Variants in ZNF469 observed in about 807,000 individuals in gnomAD.
ZNF469 encodes zinc finger protein 469.
In ZNF469, 1 loss-of-function variant was observed where a neutral mutation model predicts 1.0. That is an observed-to-expected ratio of 1.00 (90% CI 0.35 to 4.73). ZNF469 has a LOEUF of 4.73. ZNF469 is among the 30% of genes most tolerant of loss of function. The probability of loss-of-function intolerance (pLI) is 0.16; values close to 1 mark genes in which losing one functional copy is unlikely to be tolerated. For synonymous variants in ZNF469, 2,703 were observed against 2,363.4 expected, an observed-to-expected ratio of 1.14 and a Z score of -4.17; for missense variants, 6,100 against 5,356.3, an observed-to-expected ratio of 1.14 and a Z score of -4.33.
At chr16:88,413,195 C>T (rs2142284798) in intron 1 of ZNF469, among the ~76,000 whole-genome samples, 2 of 152,378 alleles carry the variant, frequency 1.3e-5, no homozygotes, top group East Asian at 1.9e-4. Flanking sequence ...ATGGGACAAA[C>T]AGCTGCCATC....
At chr16:88,243,949 T>TATAAATATAA in the ZNF469 span, among the ~76,000 whole-genome samples, 3 of 94,242 alleles carry the variant, frequency 3.2e-5, no homozygotes, top group Non-Finnish European at 6.9e-5. Flanking sequence ...TATATATATA[T>TATAAATATAA]ATAAATGTAT....
the ZNF469 span, among the ~76,000 whole-genome samples, chr16:88,360,845 C>A: frequency 6.6e-6 from 1 of 152,192 alleles, no homozygotes; most frequent in Non-Finnish European, 1.5e-5. Context: ...CCGACACCCC[C>A]TGTTACAGTG....
chr16:88,231,689 ACCT>A, the ZNF469 span, among the ~76,000 whole-genome samples: 2 of 150,712 alleles, frequency 1.3e-5, no homozygotes, highest in Non-Finnish European at 3.0e-5. The surrounding 1 kb of genome is among the most constrained non-coding windows in gnomAD (Gnocchi z 4.5). Flanking sequence ...TCCTTCTCAC[ACCT>A]CCTCCTCCTG....
At chr16:88,285,703 G>T in the ZNF469 span, among the ~76,000 whole-genome samples, 1 of 152,380 alleles carries the variant, frequency 6.6e-6, no homozygotes, top group East Asian at 1.9e-4. Flanking sequence ...CCGGTGGAGA[G>T]CAAGCCAGCT....
the ZNF469 span, among the ~76,000 whole-genome samples, chr16:88,251,536 G>GTGTGTTTT: frequency 1.3e-5 from 1 of 78,788 alleles, no homozygotes; most frequent in Non-Finnish European, 2.3e-5. Flanking sequence ...TGTCCCTGCT[G>GTGTGTTTT]TCTTTTTTTT....
the ZNF469 span, among the ~76,000 whole-genome samples, chr16:88,280,427 A>G: frequency 6.6e-6 from 1 of 151,974 alleles, no homozygotes; most frequent in Non-Finnish European, 1.5e-5. Flanking sequence ...TGCACAGGTT[A>G]GTGCTGTGCC....
At chr16:88,113,247 C>G in the ZNF469 span, among the ~76,000 whole-genome samples, 2 of 152,196 alleles carry the variant, frequency 1.3e-5, no homozygotes, top group Non-Finnish European at 1.5e-5. Flanking sequence ...GGATTCCAGA[C>G]TTTAATCCAT....
chr16:88,257,000 C>G, the ZNF469 span, among the ~76,000 whole-genome samples: 1 of 146,862 alleles, frequency 6.8e-6, no homozygotes, highest in Non-Finnish European at 1.5e-5. Flanking sequence ...CCATGCTGGA[C>G]TGCAGTGGCA....
chr16:88,384,388 C>T (rs1036852186), intron 1 of ZNF469, among the ~76,000 whole-genome samples: 3 of 152,170 alleles, frequency 2.0e-5, no homozygotes, highest in African/African-American at 4.8e-5. Context: ...GCCCTGCATT[C>T]CTGAAAATAA....
chr16:88,175,483 A>G, the ZNF469 span, among the ~76,000 whole-genome samples: 19 of 152,330 alleles, frequency 1.2e-4, no homozygotes, highest in African/African-American at 4.3e-4. Flanking sequence ...AAATCATACA[A>G]TATATGTTTT....
At chr16:88,260,918 C>T in the ZNF469 span, among the ~76,000 whole-genome samples, 4 of 152,252 alleles carry the variant, frequency 2.6e-5, no homozygotes, top group Non-Finnish European at 4.4e-5. This position sits in a 1 kb window ranked among gnomAD's most constrained non-coding sequence, Gnocchi z 4.1. Flanking sequence ...GAGGAGGCTG[C>T]GTGGCCACGG....
At chr16:88,204,071 T>C in the ZNF469 span, among the ~76,000 whole-genome samples, 119,576 of 140,236 alleles carry the variant, frequency 0.85, 50,340 homozygotes, top group Non-Finnish European at 0.92. Context: ...CAGCGGGAGG[T>C]GCCCGGTAAC....
the ZNF469 span, among the ~76,000 whole-genome samples, chr16:88,221,210 A>G: frequency 3.4e-4 from 52 of 152,226 alleles, no homozygotes; most frequent in Non-Finnish European, 5.7e-4. Flanking sequence ...TCGGGTAAGG[A>G]CAGACCCGGG....
chr16:88,435,470 C>T lies in ZNF469; in HGVS notation c.8000C>T (p.Ala2667Val), dbSNP rs957240674. ...SDGRGSRPSP[A>V]MASYAASPSH... ...GGGCGCGGCTCCAGACCATCCCCTGCAATGGCCAGTTACGCAGCCTCTCCG... is the reference window on the plus strand; with the variant it reads ...GGGCGCGGCTCCAGACCATCCCCTGTAATGGCCAGTTACGCAGCCTCTCCG... Residue 2667 changes from alanine to valine, a missense_variant, in exon 3 of 3, where the codon GCA becomes GTA. Coordinates refer to ENST00000565624, the MANE Select transcript of ZNF469 (RefSeq NM_001367624.2). The T allele has an allele frequency of 2.3e-5, 36 of 1,549,434 alleles. No homozygotes were observed. Among genetic ancestry groups the T allele is most frequent in the Non-Finnish European group, 3.1e-5 (36 of 1,146,998 alleles).
chr16:88,171,029 C>T, the ZNF469 span, among the ~76,000 whole-genome samples: 1 of 152,112 alleles, frequency 6.6e-6, no homozygotes, highest in Non-Finnish European at 1.5e-5. Context: ...AGGAGGTCAG[C>T]ACTGTAGTAA....
the ZNF469 span, among the ~76,000 whole-genome samples, chr16:88,272,646 A>G: frequency 6.6e-6 from 1 of 151,852 alleles, no homozygotes; most frequent in Admixed American, 6.6e-5. Context: ...ATATGGGTAG[A>G]CGAGTGGACA....
the ZNF469 span, among the ~76,000 whole-genome samples, chr16:88,352,729 C>T: frequency 6.6e-6 from 1 of 152,226 alleles, no homozygotes; most frequent in Non-Finnish European, 1.5e-5. Flanking sequence ...GAGGCTACAG[C>T]CCCAAGGGTC....
chr16:88,220,246 C>G, the ZNF469 span, among the ~76,000 whole-genome samples: 1 of 152,182 alleles, frequency 6.6e-6, no homozygotes, highest in Non-Finnish European at 1.5e-5. Flanking sequence ...GCAGAGGGCA[C>G]TGCAGGCTCC....
At chr16:88,229,276 G>A in the ZNF469 span, among the ~76,000 whole-genome samples, 1 of 152,232 alleles carries the variant, frequency 6.6e-6, no homozygotes, top group Non-Finnish European at 1.5e-5. Flanking sequence ...CATTTGTGCT[G>A]GCTCCAGCCT....
Sources: allele counts gnomAD v4.1 joint callset (sites outside exome capture counted in the v4.1 genomes callset), GRCh38; gene constraint gnomAD v4.1.1; non-coding constraint Gnocchi (gnomAD v3.1); transcripts MANE v1.5; gene names NCBI Gene and HGNC (gene_info 2026-07-23, HGNC 2026-07-21).